Variants in PPM1H observed in about 807,000 individuals in gnomAD.
PPM1H encodes protein phosphatase 1H.
Under a neutral mutation model 54.9 loss-of-function variants are expected in PPM1H, and 27 were observed. The ratio of observed to expected loss-of-function variants is 0.49; its 90% confidence interval spans 0.36 to 0.68. The LOEUF (loss-of-function observed/expected upper bound fraction) is 0.68, where lower values mean the gene tolerates loss of function less well. Ranked by LOEUF, PPM1H falls within the 30% of genes least tolerant of loss-of-function variation. PPM1H has a pLI of 0.00. For synonymous variants in PPM1H, 305 were observed against 270.8 expected, an observed-to-expected ratio of 1.13 and a Z score of -1.24; for missense variants, 596 against 667.8, an observed-to-expected ratio of 0.89 and a Z score of 1.19.
intron 2 of PPM1H, among the ~76,000 whole-genome samples, chr12:62,827,190 C>T (rs1389231735): frequency 6.6e-6 from 1 of 152,166 alleles, no homozygotes; most frequent in African/African-American, 2.4e-5. Flanking sequence ...AATCAGTATA[C>T]TCAAAACGCA....
intron 9 of PPM1H, among the ~76,000 whole-genome samples, chr12:62,652,721 G>A (rs2075823059): frequency 6.6e-6 from 1 of 152,074 alleles, no homozygotes; most frequent in Non-Finnish European, 1.5e-5. Flanking sequence ...ACCTTAGAAT[G>A]CCTTCTTTCA....
chr12:62,802,398 G>A (rs1018387311), intron 2 of PPM1H, among the ~76,000 whole-genome samples: 12 of 152,272 alleles, frequency 7.9e-5, no homozygotes, highest in African/African-American at 2.6e-4. Context: ...GAAGGATGAA[G>A]CGGTCTCTGC....
At chr12:62,920,311 A>G (rs1871752995) in intron 1 of PPM1H, among the ~76,000 whole-genome samples, 1 of 152,152 alleles carries the variant, frequency 6.6e-6, no homozygotes, top group Non-Finnish European at 1.5e-5. Context: ...TGTTACAAAA[A>G]ATCCTCTTTT....
intron 4 of PPM1H, among the ~76,000 whole-genome samples, chr12:62,739,343 CTA>C (rs202067933): frequency 0.011 from 1,710 of 152,130 alleles, 14 homozygotes; most frequent in Middle Eastern, 0.034. Flanking sequence ...GTGAGTATGA[CTA>C]TAACAAGGGA....
intron 3 of PPM1H, among the ~76,000 whole-genome samples, chr12:62,793,562 T>TA (rs796283537): frequency 7.2e-5 from 11 of 151,838 alleles, no homozygotes; most frequent in Admixed American, 2.0e-4. Context: ...CCGTCTCTAC[T>TA]AAAAATACAA....
chr12:62,650,185 G>T (rs1263753332), intron 9 of PPM1H, among the ~76,000 whole-genome samples: 5 of 152,218 alleles, frequency 3.3e-5, no homozygotes, highest in East Asian at 1.9e-4. Context: ...GGATTGTGAA[G>T]ATTCCAAGTT....
chr12:62,691,345 T>A (rs1409364345), intron 7 of PPM1H, among the ~76,000 whole-genome samples: 1 of 152,174 alleles, frequency 6.6e-6, no homozygotes, highest in Non-Finnish European at 1.5e-5. Flanking sequence ...CTCCTATGAG[T>A]GGGGATGAAG....
intron 2 of PPM1H, among the ~76,000 whole-genome samples, chr12:62,805,393 C>T (rs2076800377): frequency 1.3e-5 from 2 of 152,122 alleles, no homozygotes; most frequent in South Asian, 4.1e-4. Flanking sequence ...TATCTATAGC[C>T]CAACGTTCAT....
intron 1 of PPM1H, among the ~76,000 whole-genome samples, chr12:62,903,894 C>T (rs1303861659): frequency 6.6e-6 from 1 of 152,112 alleles, no homozygotes; most frequent in Non-Finnish European, 1.5e-5. Flanking sequence ...TTGGTGTACA[C>T]TGATGTTCAT....
At chr12:62,664,257 T>G (rs1016179019) in intron 9 of PPM1H, among the ~76,000 whole-genome samples, 3 of 152,224 alleles carry the variant, frequency 2.0e-5, no homozygotes, top group Admixed American at 1.3e-4. Flanking sequence ...GAATGGAGTC[T>G]TCATCTATGC....
chr12:62,779,453 T>A (rs1338721118), intron 4 of PPM1H, among the ~76,000 whole-genome samples: 2 of 152,208 alleles, frequency 1.3e-5, no homozygotes, highest in African/African-American at 4.8e-5. Context: ...CCCACTACAT[T>A]CTTCAGCGGC....
At chr12:62,664,683 T>G (rs905062091) in intron 9 of PPM1H, among the ~76,000 whole-genome samples, 1 of 152,230 alleles carries the variant, frequency 6.6e-6, no homozygotes, top group African/African-American at 2.4e-5. Flanking sequence ...TGACCACATG[T>G]TTACTAATAC....
rs912458495 is a variant in PPM1H, at chr12:62,667,033, A to T, written c.1397+145T>A. 1.3e-5 allele frequency: 12 copies of T among 913,542 alleles called. No homozygotes were observed. The African/African-American group carries it at 1.9e-4, about 14-fold the overall frequency. 56.6% of individuals were successfully genotyped at this position (913,542 alleles called of 1,614,324 possible). A position where few individuals can be genotyped will look rare whatever the true frequency, so the allele number is the denominator to read the frequency against. ...GGCTGGAAAGTACCTCTTACAAGAA[A>T]GGTAATCCCTTCTGCAGTTTGGTTA... On this transcript the variant is annotated intron_variant, in intron 9 of 9. Coordinates refer to ENST00000228705, the MANE Select transcript of PPM1H (RefSeq NM_020700.2).
At chr12:62,724,544 T>G (rs1424632831) in intron 5 of PPM1H, among the ~76,000 whole-genome samples, 1 of 152,184 alleles carries the variant, frequency 6.6e-6, no homozygotes, top group Non-Finnish European at 1.5e-5. Context: ...CCTCTCCCTC[T>G]GAGGATGTGC....
chr12:62,668,782 T>C (rs537030751), intron 8 of PPM1H, among the ~76,000 whole-genome samples: 31 of 152,364 alleles, frequency 2.0e-4, no homozygotes, highest in African/African-American at 7.5e-4. Context: ...GAGACAATCA[T>C]ATCACCTCAG....
intron 1 of PPM1H, among the ~76,000 whole-genome samples, chr12:62,862,840 T>C (rs1345428701): frequency 6.6e-6 from 1 of 152,178 alleles, no homozygotes; most frequent in African/African-American, 2.4e-5. Context: ...TCCTTTATCA[T>C]CTAATTTAAC....
At chr12:62,839,509 GA>G (rs1868640397) in intron 1 of PPM1H, among the ~76,000 whole-genome samples, 2 of 151,932 alleles carry the variant, frequency 1.3e-5, no homozygotes, top group African/African-American at 4.8e-5. Context: ...TGGACCTGAG[GA>G]GAGGCTGACT....
chr12:62,718,534 C>T (rs2076247555), intron 6 of PPM1H, among the ~76,000 whole-genome samples: 1 of 152,092 alleles, frequency 6.6e-6, no homozygotes, highest in African/African-American at 2.4e-5. Context: ...TCCCGTTTTC[C>T]CTATCATGTT....
chr12:62,897,612 G>T (rs567339342), intron 1 of PPM1H, among the ~76,000 whole-genome samples: 18 of 152,238 alleles, frequency 1.2e-4, no homozygotes, highest in African/African-American at 3.9e-4. Flanking sequence ...GGTACACCTT[G>T]TGTGTGACAG....
Sources: gnomAD v4.1 joint callset for allele counts (sites outside exome capture counted in the v4.1 genomes callset) on GRCh38, gnomAD v4.1.1 for gene constraint, MANE v1.5 for transcripts, NCBI Gene and HGNC (gene_info 2026-07-23, HGNC 2026-07-21) for gene names.